The following FARS2 variants were observed in gnomAD, a reference collection of about 807,000 sequenced individuals.
The protein encoded by FARS2 is phenylalanyl-tRNA synthetase 2, mitochondrial.
FARS2 carries 40 observed loss-of-function variants against 46.4 expected under a neutral mutation model. The observed-to-expected ratio is 0.86, with a 90% CI of 0.67 to 1.12. The LOEUF (loss-of-function observed/expected upper bound fraction) is 1.12. Ranked by LOEUF, FARS2 falls within the 50% of genes most tolerant of loss-of-function variation. The probability of loss-of-function intolerance (pLI) is 0.00; values close to 1 mark genes in which losing one functional copy is unlikely to be tolerated. For synonymous variants in FARS2, 234 were observed against 214.9 expected (o/e 1.09, Z -0.78); for missense variants, 513 against 567.9 (o/e 0.90, Z 0.98).
chr6:5,470,889 G>T (rs1421619080), intron 4 of FARS2, among the ~76,000 whole-genome samples: 1 of 152,174 alleles, frequency 6.6e-6, no homozygotes, highest in African/African-American at 2.4e-5. Flanking sequence ...ATACAAAATT[G>T]AGCACTCTGA....
chr6:5,708,188 A>G (rs1243521696), intron 6 of FARS2, among the ~76,000 whole-genome samples: 1 of 152,182 alleles, frequency 6.6e-6, no homozygotes, highest in Non-Finnish European at 1.5e-5. Context: ...GGTAATGATC[A>G]GTTATTGTAG....
At chr6:5,546,702 A>T (rs1771045273) in intron 5 of FARS2, among the ~76,000 whole-genome samples, 1 of 150,214 alleles carries the variant, frequency 6.7e-6, no homozygotes. Flanking sequence ...ATTTTTGATA[A>T]TTTTTATTGT....
chr6:5,380,612 GC>G (rs1759693033), intron 2 of FARS2, among the ~76,000 whole-genome samples: 1 of 152,192 alleles, frequency 6.6e-6, no homozygotes, highest in Admixed American at 6.5e-5. Flanking sequence ...ATGGCTAGCA[GC>G]CGGTGCCACT....
At chr6:5,513,023 G>A (rs774850758) in intron 4 of FARS2, among the ~76,000 whole-genome samples, 58 of 152,184 alleles carry the variant, frequency 3.8e-4, no homozygotes, top group Admixed American at 7.2e-4. Flanking sequence ...TTGCAGATGC[G>A]TGGGTTGGGT....
chr6:5,511,528 C>T (rs116149297), intron 4 of FARS2, among the ~76,000 whole-genome samples: 1,959 of 152,196 alleles, frequency 0.013, 47 homozygotes, highest in African/African-American at 0.044. Flanking sequence ...ATACCCTGCG[C>T]ACAAAGTAGA....
At position 5,311,628 on chromosome 6, in the gene FARS2, CCTGTTT is replaced by C. The variant is rs1274883380; in HGVS notation, c.-22+49969_-22+49974del. Among the ~76,000 whole-genome samples, 1 of 152,102 alleles carries C rather than the reference CCTGTTT, an allele frequency of 6.6e-6. No homozygotes were observed. The highest frequency in any genetic ancestry group is 1.5e-5 in the Non-Finnish European group (1 of 68,012). ...ATTGGCCTCAGATCAAATTATTTAT[CCTGTTT>C]TCTTTAGATATATGAAGCCGTCTTA... On this transcript the variant is annotated intron_variant, in intron 1 of 6. Transcript: ENST00000274680. This position sits in a 1 kb window ranked among gnomAD's most constrained non-coding sequence, Gnocchi z 4.1.
chr6:5,752,512 G>T (rs143817204), intron 6 of FARS2, among the ~76,000 whole-genome samples: 1 of 152,126 alleles, frequency 6.6e-6, no homozygotes, highest in African/African-American at 2.4e-5. Context: ...GCAAAGTCTC[G>T]CTTCAAATGC....
intron 1 of FARS2, among the ~76,000 whole-genome samples, chr6:5,367,946 T>G (rs1758785393): frequency 6.6e-6 from 1 of 152,236 alleles, no homozygotes; most frequent in African/African-American, 2.4e-5. Context: ...TGTATTTTGT[T>G]TAAAACTTTT....
chr6:5,353,945 T>A (rs1757751824), intron 1 of FARS2, among the ~76,000 whole-genome samples: 2 of 151,626 alleles, frequency 1.3e-5, no homozygotes, highest in Non-Finnish European at 2.9e-5. Flanking sequence ...TGCTGCTTTT[T>A]TTTTTTTTTA....
At chr6:5,419,081 C>T (rs1762402250) in intron 3 of FARS2, among the ~76,000 whole-genome samples, 1 of 152,090 alleles carries the variant, frequency 6.6e-6, no homozygotes, top group Non-Finnish European at 1.5e-5. Context: ...CACTTACTCT[C>T]TGTGTCTTTT....
intron 4 of FARS2, among the ~76,000 whole-genome samples, chr6:5,491,577 G>T (rs1482057435): frequency 6.6e-6 from 1 of 152,134 alleles, no homozygotes; most frequent in Admixed American, 6.6e-5. Context: ...GTTACTGAGG[G>T]TTCCATAAAC....
chr6:5,689,369 A>C (rs1757505504), intron 6 of FARS2, among the ~76,000 whole-genome samples: 1 of 151,662 alleles, frequency 6.6e-6, no homozygotes, highest in Non-Finnish European at 1.5e-5. Flanking sequence ...CACTGCTTTG[A>C]ATGCGTCCCA....
chr6:5,463,088 G>C (rs977700480), intron 4 of FARS2, among the ~76,000 whole-genome samples: 2 of 152,216 alleles, frequency 1.3e-5, no homozygotes, highest in African/African-American at 4.8e-5. Context: ...ATTTACGAAA[G>C]CTGGAGGCCG....
intron 1 of FARS2, among the ~76,000 whole-genome samples, chr6:5,285,824 G>A (rs1767068799): frequency 6.6e-6 from 1 of 152,234 alleles, no homozygotes; most frequent in African/African-American, 2.4e-5. Context: ...AGGCCTCGCG[G>A]CATTCCCTGG....
chr6:5,638,039 C>T (rs573055424), intron 6 of FARS2, among the ~76,000 whole-genome samples: 7 of 152,316 alleles, frequency 4.6e-5, no homozygotes, highest in Admixed American at 2.6e-4. Flanking sequence ...GTCCATCTGA[C>T]GTCCAAGGTG....
intron 6 of FARS2, among the ~76,000 whole-genome samples, chr6:5,681,333 A>G (rs1398719390): frequency 2.6e-5 from 4 of 152,250 alleles, no homozygotes; most frequent in Non-Finnish European, 4.4e-5. Context: ...CAATATAACA[A>G]TGGGCTTAAA....
intron 6 of FARS2, among the ~76,000 whole-genome samples, chr6:5,740,514 A>G (rs1169199326): frequency 6.6e-6 from 1 of 150,940 alleles, no homozygotes; most frequent in Non-Finnish European, 1.5e-5. Flanking sequence ...TTTTTTTTTC[A>G]AAAAAGCAAA....
intron 6 of FARS2, among the ~76,000 whole-genome samples, chr6:5,623,720 T>A (rs7748712): frequency 0.38 from 36,024 of 95,470 alleles, 4,592 homozygotes; most frequent in East Asian, 0.51. Flanking sequence ...TCAAAAAAAA[T>A]AAATAAATAA....
chr6:5,351,237 T>C (rs1757553700), intron 1 of FARS2, among the ~76,000 whole-genome samples: 1 of 152,270 alleles, frequency 6.6e-6, no homozygotes, highest in Non-Finnish European at 1.5e-5. Flanking sequence ...GTAGCTGATA[T>C]ATATAAGCCA....
Sources: allele counts gnomAD v4.1 joint callset (sites outside exome capture counted in the v4.1 genomes callset), GRCh38; gene constraint gnomAD v4.1.1; non-coding constraint Gnocchi (gnomAD v3.1); transcripts MANE v1.5; gene names NCBI Gene and HGNC (gene_info 2026-07-23, HGNC 2026-07-21).